Variants in SLC8A1 observed in about 807,000 individuals in gnomAD.
The protein encoded by SLC8A1 is sodium/calcium exchanger 1.
A neutral mutation model predicts 68.3 loss-of-function variants in SLC8A1; 18 were observed. The observed-to-expected ratio is 0.26, with a 90% CI of 0.18 to 0.39. The LOEUF (loss-of-function observed/expected upper bound fraction) is 0.39, where lower values mean the gene tolerates loss of function less well. SLC8A1 is among the 10% of genes least tolerant of loss of function. The pLI is 1.00. For missense variants in SLC8A1, 985 were observed against 1,156.7 expected, an observed-to-expected ratio of 0.85 and a Z score of 2.15; for synonymous variants, 475 against 415.5, an observed-to-expected ratio of 1.14 and a Z score of -1.74.
chr2:40,370,637 G>A (rs1349703851), intron 2 of SLC8A1, among the ~76,000 whole-genome samples: 2 of 151,978 alleles, frequency 1.3e-5, no homozygotes, highest in African/African-American at 4.8e-5. Flanking sequence ...TATAAAATAT[G>A]TTAAATTGAC....
chr2:40,156,175 C>T (rs183839112), intron 6 of SLC8A1, among the ~76,000 whole-genome samples: 2 of 152,318 alleles, frequency 1.3e-5, no homozygotes, highest in East Asian at 3.9e-4. Context: ...GCAAAATCCC[C>T]ATCAGGGCTA....
chr2:40,246,825 A>AT lies in SLC8A1; in HGVS notation c.1809-68971dup, dbSNP rs1010711109. On this transcript the variant is annotated intron_variant, in intron 2 of 7. Coordinates refer to ENST00000406785, the Ensembl canonical transcript of SLC8A1. ...GATTCTATTATGACACCTCAGAGGAATTTTTTTTATTTAAGTCTGTCATTT... is the reference window on the plus strand; with the variant it reads ...GATTCTATTATGACACCTCAGAGGAATTTTTTTTTATTTAAGTCTGTCATTT... Among the ~76,000 whole-genome samples, 157 of 152,172 alleles carry AT rather than the reference A, an allele frequency of 1.0e-3. 1 individual carries two copies. Among genetic ancestry groups the AT allele is most frequent in the African/African-American group, 3.4e-3 (142 of 41,528 alleles).
chr2:40,442,081 G>A (rs1422056645), intron 1 of SLC8A1, among the ~76,000 whole-genome samples: 2 of 148,166 alleles, frequency 1.3e-5, no homozygotes, highest in East Asian at 4.1e-4. Context: ...GATAGCATTA[G>A]GAGATATACC....
At chr2:40,371,110 T>G (rs1023964436) in intron 2 of SLC8A1, among the ~76,000 whole-genome samples, 1 of 151,966 alleles carries the variant, frequency 6.6e-6, no homozygotes, top group African/African-American at 2.4e-5. Flanking sequence ...ATGCCTAAGG[T>G]TCAAGGATTT....
At chr2:40,496,818 G>A (rs928051572) in intron 1 of SLC8A1, among the ~76,000 whole-genome samples, 20 of 150,068 alleles carry the variant, frequency 1.3e-4, no homozygotes, top group East Asian at 2.0e-4. Context: ...GTAAACTACC[G>A]CAAGAACAAA....
At chr2:40,370,579 A>G (rs910560292) in intron 2 of SLC8A1, among the ~76,000 whole-genome samples, 1 of 152,126 alleles carries the variant, frequency 6.6e-6, no homozygotes, top group South Asian at 2.1e-4. Context: ...TTCTTATCAG[A>G]ATGACTTGAG....
At chr2:40,133,404 G>A (rs945274909) in intron 7 of SLC8A1, among the ~76,000 whole-genome samples, 58 of 118,452 alleles carry the variant, frequency 4.9e-4, no homozygotes, top group South Asian at 2.6e-3. Flanking sequence ...GGGGGGGGGG[G>A]GTGGAAACCA....
chr2:40,167,479 G>A (rs2046742889), intron 4 of SLC8A1, among the ~76,000 whole-genome samples: 1 of 152,252 alleles, frequency 6.6e-6, no homozygotes, highest in African/African-American at 2.4e-5. Context: ...ATTACATTAA[G>A]TAAATAGTAT....
At chr2:40,297,626 T>C (rs2070660565) in intron 2 of SLC8A1, among the ~76,000 whole-genome samples, 1 of 152,218 alleles carries the variant, frequency 6.6e-6, no homozygotes, top group Non-Finnish European at 1.5e-5. Context: ...TTAACCTTCT[T>C]TATACCAATC....
chr2:40,183,982 C>G (rs1183957551), intron 2 of SLC8A1, among the ~76,000 whole-genome samples: 1 of 151,992 alleles, frequency 6.6e-6, no homozygotes, highest in African/African-American at 2.4e-5. Flanking sequence ...AAAGTGAGAC[C>G]CTGTTTCTAC....
At chr2:40,326,835 A>G (rs1198884263) in intron 2 of SLC8A1, among the ~76,000 whole-genome samples, 1 of 152,150 alleles carries the variant, frequency 6.6e-6, no homozygotes, top group Admixed American at 6.6e-5. Flanking sequence ...ATTTAAATTG[A>G]CGATGTAAAT....
chr2:40,403,411 C>T (rs923888042), intron 2 of SLC8A1, among the ~76,000 whole-genome samples: 3 of 151,500 alleles, frequency 2.0e-5, no homozygotes, highest in East Asian at 2.0e-4. Flanking sequence ...AGCCTCTATT[C>T]CCCATTCCCC....
chr2:40,499,858 G>A (rs1705939437), intron 1 of SLC8A1, among the ~76,000 whole-genome samples: 1 of 152,066 alleles, frequency 6.6e-6, no homozygotes, highest in Non-Finnish European at 1.5e-5. Flanking sequence ...CCTTGCTGGA[G>A]GATAAGGGCA....
chr2:40,372,511 A>T (rs1678451044), intron 2 of SLC8A1, among the ~76,000 whole-genome samples: 1 of 152,106 alleles, frequency 6.6e-6, no homozygotes, highest in African/African-American at 2.4e-5. Flanking sequence ...ATCAAAAACA[A>T]CTGGATTCCA....
intron 2 of SLC8A1, among the ~76,000 whole-genome samples, chr2:40,380,469 T>C (rs1681381570): frequency 6.6e-6 from 1 of 152,106 alleles, no homozygotes; most frequent in Non-Finnish European, 1.5e-5. Context: ...AAGACAAACT[T>C]ATCTGTTTTA....
chr2:40,138,592 G>A (rs1026681884), intron 7 of SLC8A1, among the ~76,000 whole-genome samples: 4 of 152,140 alleles, frequency 2.6e-5, no homozygotes, highest in Non-Finnish European at 5.9e-5. Context: ...AGTCACTTGT[G>A]AGCTTTACAA....
At chr2:40,207,300 A>G (rs1331815270) in intron 2 of SLC8A1, among the ~76,000 whole-genome samples, 1 of 151,996 alleles carries the variant, frequency 6.6e-6, no homozygotes, top group East Asian at 1.9e-4. Flanking sequence ...CTGGCCAGAC[A>G]CCTTCCCATT....
intron 2 of SLC8A1, among the ~76,000 whole-genome samples, chr2:40,262,835 G>A (rs2064883443): frequency 6.6e-6 from 1 of 152,110 alleles, no homozygotes; most frequent in Admixed American, 6.6e-5. Context: ...GCTAAAATTT[G>A]GATCATATTT....
chr2:40,436,180 T>C (rs2149809347), intron 1 of SLC8A1, among the ~76,000 whole-genome samples: 1 of 152,234 alleles, frequency 6.6e-6, no homozygotes, highest in East Asian at 1.9e-4. Flanking sequence ...ATTTCTTTTT[T>C]TTCATTGAGG....
Sources: allele counts gnomAD v4.1 joint callset (sites outside exome capture counted in the v4.1 genomes callset), GRCh38; gene constraint gnomAD v4.1.1; transcripts MANE v1.5; gene names NCBI Gene and HGNC (gene_info 2026-07-23, HGNC 2026-07-21).